The following MAP2K4 variants were observed in gnomAD, a reference collection of about 807,000 sequenced individuals.
The protein encoded by MAP2K4 is mitogen-activated protein kinase kinase 4.
A neutral mutation model predicts 48.5 loss-of-function variants in MAP2K4; 4 were observed. The observed-to-expected ratio is 0.08, with a 90% confidence interval of 0.04 to 0.19. MAP2K4 has a LOEUF of 0.19. Among genes scored for constraint, MAP2K4 ranks in the 10% least tolerant of loss-of-function variants. The pLI, the probability that MAP2K4 is intolerant of heterozygous loss-of-function variation, is 1.00. For synonymous variants in MAP2K4, 166 were observed against 173.1 expected, an observed-to-expected ratio of 0.96 and a Z score of 0.32; for missense variants, 258 against 493.3, an observed-to-expected ratio of 0.52 and a Z score of 4.52.
At chr17:12,060,892 C>T (rs1426973391) in intron 2 of MAP2K4, among the ~76,000 whole-genome samples, 3 of 152,074 alleles carry the variant, frequency 2.0e-5, no homozygotes, top group Non-Finnish European at 4.4e-5. Context: ...CATTGTTGTA[C>T]ATTTGTCACC....
chr17:12,084,275 A>T (rs1971288500), intron 3 of MAP2K4, among the ~76,000 whole-genome samples: 1 of 152,192 alleles, frequency 6.6e-6, no homozygotes, highest in Admixed American at 6.5e-5. Context: ...ACTTAAAACA[A>T]TTTTTTGATG....
At chr17:12,066,931 C>T (rs1430523100) in intron 2 of MAP2K4, among the ~76,000 whole-genome samples, 1 of 152,242 alleles carries the variant, frequency 6.6e-6, no homozygotes. Context: ...CCCGCCTCGG[C>T]CTCCCAAAGT....
At chr17:12,067,409 T>G (rs1461232700) in intron 2 of MAP2K4, among the ~76,000 whole-genome samples, 1 of 152,112 alleles carries the variant, frequency 6.6e-6, no homozygotes, top group African/African-American at 2.4e-5. Context: ...AATTCTTTGT[T>G]GTGGGAGGCC....
chr17:12,113,504 C>T (rs1450998822), intron 7 of MAP2K4, 144 bp downstream of exon 7: 2 of 916,364 alleles, frequency 2.2e-6, no homozygotes, highest in Admixed American at 2.9e-5. Context: ...CAGGTCCTAG[C>T]CTCTCCATGA....
intron 3 of MAP2K4, among the ~76,000 whole-genome samples, chr17:12,085,718 A>G (rs1361902030): frequency 6.6e-6 from 1 of 151,934 alleles, no homozygotes; most frequent in East Asian, 1.9e-4. Context: ...ACCCAGCCTA[A>G]TCCTGATGCT....
chr17:12,043,046 C>CA (rs879872998), intron 1 of MAP2K4, among the ~76,000 whole-genome samples: 1,811 of 129,924 alleles, frequency 0.014, 21 homozygotes, highest in African/African-American at 0.034. Context: ...GACTCCGTCT[C>CA]AAAAAAAAAA....
intron 8 of MAP2K4, among the ~76,000 whole-genome samples, chr17:12,125,906 C>A (rs912292834): frequency 6.6e-6 from 1 of 152,148 alleles, no homozygotes; most frequent in Non-Finnish European, 1.5e-5. Context: ...TCCATTCTCA[C>A]ACTACTGTAA....
chr17:12,055,193 A>G (rs1004461100), intron 2 of MAP2K4, among the ~76,000 whole-genome samples: 1 of 152,092 alleles, frequency 6.6e-6, no homozygotes, highest in Non-Finnish European at 1.5e-5. Context: ...GTCCAACTGT[A>G]CAAATTTTCA....
At chr17:12,090,357 A>G (rs989749678) in intron 3 of MAP2K4, among the ~76,000 whole-genome samples, 4 of 152,122 alleles carry the variant, frequency 2.6e-5, no homozygotes. Context: ...CTCTCTAGTA[A>G]CTGAGATATC....
chr17:12,090,778 T>C (rs1014952673), intron 3 of MAP2K4, among the ~76,000 whole-genome samples: 2 of 152,222 alleles, frequency 1.3e-5, no homozygotes, highest in Admixed American at 6.5e-5. Flanking sequence ...AAATTAGTTT[T>C]CCTTGACAGT....
At chr17:12,119,311 A>G (rs1169407309) in intron 7 of MAP2K4, among the ~76,000 whole-genome samples, 2 of 152,212 alleles carry the variant, frequency 1.3e-5, no homozygotes, top group African/African-American at 4.8e-5. Context: ...AAAGAAAACA[A>G]CCTCATTAAA....
intron 3 of MAP2K4, among the ~76,000 whole-genome samples, chr17:12,089,094 A>G (rs960631210): frequency 2.0e-5 from 3 of 151,782 alleles, no homozygotes; most frequent in African/African-American, 4.8e-5. Context: ...TTGTATTTTT[A>G]GTAGAGACGG....
chr17:12,139,921 A>G, intron 10 of MAP2K4, 37 bp downstream of exon 10: 1 of 1,480,902 alleles, frequency 6.8e-7, no homozygotes, highest in Non-Finnish European at 9.1e-7. Context: ...GGTACATCCT[A>G]ACCCCGGAAC....
rs1206757986 is a variant in MAP2K4, at chr17:12,141,502, A to G, written c.*242A>G. The G allele has an allele frequency of 2.0e-6, 1 of 499,584 alleles. No homozygotes were observed. The highest frequency in any genetic ancestry group is 3.6e-6 in the Non-Finnish European group (1 of 279,174). The allele number at this position is 499,584 out of a possible 1,614,324, so 30.9% of individuals were successfully genotyped here. A position where few individuals can be genotyped will look rare whatever the true frequency, so the allele number is the denominator to read the frequency against. On this transcript the variant is annotated 3_prime_UTR_variant, in exon 11 of 11. Coordinates refer to ENST00000353533, the MANE Select transcript of MAP2K4 (RefSeq NM_003010.4). ...CTCATCCTGCTCTTTTGTGATGAAC[A>G]TATTCATGAAATGTGGAAGTCAGTA...
At chr17:12,065,857 A>G (rs1970601274) in intron 2 of MAP2K4, among the ~76,000 whole-genome samples, 1 of 152,206 alleles carries the variant, frequency 6.6e-6, no homozygotes, top group African/African-American at 2.4e-5. Flanking sequence ...TGAATATATG[A>G]ACACTGTGCT....
chr17:12,079,585 A>G (rs572910048), intron 2 of MAP2K4, among the ~76,000 whole-genome samples: 11 of 152,298 alleles, frequency 7.2e-5, no homozygotes, highest in South Asian at 4.1e-4. Context: ...CAGCCCTTCA[A>G]TTAGCGAACA....
At chr17:12,039,696 GTAAATGCTTTAT>G (rs1229946210) in intron 1 of MAP2K4, among the ~76,000 whole-genome samples, 1 of 152,010 alleles carries the variant, frequency 6.6e-6, no homozygotes, top group Non-Finnish European at 1.5e-5. Flanking sequence ...CAAAAGCCTT[GTAAATGCTTTAT>G]TTACAGTTAA....
intron 1 of MAP2K4, among the ~76,000 whole-genome samples, chr17:12,051,428 A>G (rs1970135952): frequency 6.6e-6 from 1 of 152,214 alleles, no homozygotes; most frequent in Admixed American, 6.5e-5. Flanking sequence ...TTAGGTATAC[A>G]GAGAATCTCT....
intron 3 of MAP2K4, among the ~76,000 whole-genome samples, chr17:12,090,998 G>A (rs1971543564): frequency 6.6e-6 from 1 of 152,160 alleles, no homozygotes; most frequent in East Asian, 1.9e-4. Flanking sequence ...AATTGTATGT[G>A]AGAGATGGAT....
Sources: allele counts gnomAD v4.1 joint callset (sites outside exome capture counted in the v4.1 genomes callset), GRCh38; gene constraint gnomAD v4.1.1; transcripts MANE v1.5; gene names NCBI Gene and HGNC (gene_info 2026-07-23, HGNC 2026-07-21).